Variants in ERC2 observed in about 807,000 individuals in gnomAD.
The protein encoded by ERC2 is ELKS/RAB6-interacting/CAST family member 2.
ERC2 carries 42 observed loss-of-function variants against 114.8 expected under a neutral mutation model. That is an observed-to-expected ratio of 0.37 (90% confidence interval 0.29 to 0.47). The LOEUF (loss-of-function observed/expected upper bound fraction) is 0.47. ERC2 is among the 20% of genes least tolerant of loss of function. The pLI is 0.99. For missense variants in ERC2, 939 were observed against 1,150.7 expected (o/e 0.82, Z 2.66); for synonymous variants, 454 against 425.5 (o/e 1.07, Z -0.82).
intron 2 of ERC2, among the ~76,000 whole-genome samples, chr3:56,380,458 C>A (rs534838200): frequency 6.6e-6 from 1 of 152,100 alleles, no homozygotes; most frequent in Non-Finnish European, 1.5e-5. Context: ...CACTCCTCAC[C>A]GAGAAGTTCT....
chr3:56,433,087 G>A (rs887685727), intron 2 of ERC2, among the ~76,000 whole-genome samples: 2 of 151,872 alleles, frequency 1.3e-5, no homozygotes, highest in African/African-American at 4.8e-5. Context: ...CTGAGGTGTG[G>A]AGGATCATTT....
chr3:55,768,749 G>A (rs1427753090), intron 14 of ERC2, among the ~76,000 whole-genome samples: 1 of 152,206 alleles, frequency 6.6e-6, no homozygotes, highest in Non-Finnish European at 1.5e-5. Flanking sequence ...AGCTTAGGAA[G>A]ACAGAAGAAG....
intron 3 of ERC2, among the ~76,000 whole-genome samples, chr3:56,218,762 G>A (rs962693638): frequency 1.1e-4 from 16 of 152,156 alleles, no homozygotes; most frequent in African/African-American, 3.6e-4. Flanking sequence ...ATGATAGACT[G>A]GATTAAGAAA....
At chr3:56,074,422 T>C in intron 7 of ERC2, among the ~76,000 whole-genome samples, 1 of 152,152 alleles carries the variant, frequency 6.6e-6, no homozygotes, top group Non-Finnish European at 1.5e-5. Flanking sequence ...TAAAAATAAT[T>C]ATTTGCATGG....
intron 16 of ERC2, among the ~76,000 whole-genome samples, chr3:55,689,604 G>A (rs763462959): frequency 6.6e-6 from 1 of 152,032 alleles, no homozygotes; most frequent in Non-Finnish European, 1.5e-5. Flanking sequence ...ACATGACTCT[G>A]GTTCTGCCAT....
At chr3:55,915,316 A>G (rs2065030391) in intron 13 of ERC2, among the ~76,000 whole-genome samples, 2 of 152,180 alleles carry the variant, frequency 1.3e-5, no homozygotes, top group African/African-American at 4.8e-5. Context: ...AGACGTTTCC[A>G]TAGAACAGAC....
chr3:56,396,951 C>T (rs563428474), intron 2 of ERC2, among the ~76,000 whole-genome samples: 5 of 152,178 alleles, frequency 3.3e-5, no homozygotes, highest in South Asian at 2.1e-4. Flanking sequence ...TCAAACTTAA[C>T]GACTCCCTAC....
chr3:56,105,558 C>T (rs577366749), intron 6 of ERC2, among the ~76,000 whole-genome samples: 6 of 152,206 alleles, frequency 3.9e-5, no homozygotes, highest in Admixed American at 1.3e-4. Context: ...TCAAGCAATC[C>T]TCCCACGTCA....
chr3:56,100,982 AG>A (rs928298239), intron 6 of ERC2, among the ~76,000 whole-genome samples: 2 of 152,138 alleles, frequency 1.3e-5, no homozygotes, highest in Non-Finnish European at 2.9e-5. Context: ...CAAATTAAGG[AG>A]GAAAAAAAAT....
intron 2 of ERC2, among the ~76,000 whole-genome samples, chr3:56,335,413 C>T (rs933533796): frequency 2.0e-5 from 3 of 152,146 alleles, no homozygotes; most frequent in African/African-American, 4.8e-5. Flanking sequence ...TTCAAAGATA[C>T]TTGACTAAAA....
chr3:56,200,675 A>G (rs943573948), intron 3 of ERC2, among the ~76,000 whole-genome samples: 1 of 152,224 alleles, frequency 6.6e-6, no homozygotes, highest in African/African-American at 2.4e-5. Flanking sequence ...AGAATACTCC[A>G]TAGATACAAA....
chr3:55,518,284 C>T (rs1364271098), intron 17 of ERC2, among the ~76,000 whole-genome samples: 1 of 152,110 alleles, frequency 6.6e-6, no homozygotes, highest in African/African-American at 2.4e-5. Flanking sequence ...ATGCATCTAC[C>T]AACCTATATA....
chr3:55,822,210 T>C (rs17765246), intron 14 of ERC2, among the ~76,000 whole-genome samples: 7,565 of 152,278 alleles, frequency 0.05, 228 homozygotes, highest in African/African-American at 0.086. Flanking sequence ...GTTCAAGAGA[T>C]TGTGAACTTG....
At chr3:56,026,648 A>T (rs2074070977) in intron 7 of ERC2, among the ~76,000 whole-genome samples, 1 of 152,208 alleles carries the variant, frequency 6.6e-6, no homozygotes, top group Non-Finnish European at 1.5e-5. Flanking sequence ...TGAAATTTAC[A>T]TACAGTTATA....
intron 15 of ERC2, among the ~76,000 whole-genome samples, chr3:55,717,983 A>G (rs62249314): frequency 0.018 from 2,729 of 152,318 alleles, 36 homozygotes; most frequent in Middle Eastern, 0.031. Context: ...TTTTTCAACA[A>G]AATTTCATAA....
At chr3:56,193,526 A>G (rs1288908842) in intron 3 of ERC2, among the ~76,000 whole-genome samples, 34 of 152,230 alleles carry the variant, frequency 2.2e-4, no homozygotes, top group Non-Finnish European at 2.9e-5. Context: ...AAAAATCAAA[A>G]TGTTACCAGA....
At chr3:55,981,678 C>A (rs1482874752) in intron 12 of ERC2, among the ~76,000 whole-genome samples, 1 of 152,174 alleles carries the variant, frequency 6.6e-6, no homozygotes, top group Non-Finnish European at 1.5e-5. Flanking sequence ...AGATGAAGAT[C>A]TTTTCCCCTC....
intron 3 of ERC2, among the ~76,000 whole-genome samples, chr3:56,185,894 T>A (rs113903301): frequency 5.7e-4 from 86 of 151,990 alleles, no homozygotes; most frequent in African/African-American, 2.0e-3. Flanking sequence ...GATGAGGATG[T>A]CAGAGAGATT....
At position 55,864,097 on chromosome 3, in the gene ERC2, GTATA is replaced by G. The variant is rs10548129; in HGVS notation, c.2564+24288_2564+24291del. Among the ~76,000 whole-genome samples the G allele has an allele frequency of 1.6e-3, 213 of 132,432 alleles. 1 individual carries two copies. Among genetic ancestry groups the G allele is most frequent in the East Asian group, 0.011 (53 of 4,676 alleles). 86.9% of individuals were successfully genotyped at this position (132,432 alleles called of 152,430 possible). ...TGCAGAAGACATAAATCAGCAGCAG[GTATA>G]TATATATATATATATATACACACAC... is the stretch of plus-strand genomic sequence containing the variant. On this transcript the variant is annotated intron_variant, in intron 14 of 17. Coordinates refer to ENST00000288221, the MANE Select transcript of ERC2 (RefSeq NM_015576.3).
Sources: allele counts gnomAD v4.1 joint callset (sites outside exome capture counted in the v4.1 genomes callset), GRCh38; gene constraint gnomAD v4.1.1; transcripts MANE v1.5; gene names NCBI Gene and HGNC (gene_info 2026-07-23, HGNC 2026-07-21).